The following BSN variants were observed in gnomAD, a reference collection of about 807,000 sequenced individuals.
BSN encodes protein bassoon.
BSN carries 57 observed loss-of-function variants against 264.8 expected under a neutral mutation model. The ratio of observed to expected loss-of-function variants is 0.22; its 90% CI spans 0.17 to 0.27. BSN has a LOEUF of 0.27. BSN is among the 10% of genes least tolerant of loss of function. BSN has a pLI of 1.00. For missense variants in BSN, 4,615 were observed against 5,232.5 expected (o/e 0.88, Z 3.64); for synonymous variants, 2,059 against 2,137.3 (o/e 0.96, Z 1.01).
intron 1 of BSN, among the ~76,000 whole-genome samples, chr3:49,582,851 GAA>G (rs1456016212): frequency 2.0e-5 from 3 of 152,122 alleles, no homozygotes; most frequent in African/African-American, 7.2e-5. Context: ...TTTGAATCAT[GAA>G]AGTGTATTGA....
chr3:49,611,835 G>A (rs1285128224), intron 1 of BSN, among the ~76,000 whole-genome samples: 1 of 152,100 alleles, frequency 6.6e-6, no homozygotes, highest in Non-Finnish European at 1.5e-5. Context: ...GAGATCATAG[G>A]GGGAGCTCCT....
chr3:49,594,937 C>G (rs928569779), intron 1 of BSN, among the ~76,000 whole-genome samples: 2 of 149,094 alleles, frequency 1.3e-5, no homozygotes, highest in African/African-American at 4.9e-5. Context: ...TGTCACCAGG[C>G]TGGAGTGCAG....
rs1213030883 is a variant in BSN, at chr3:49,661,626, A to C, written c.9781A>C (p.Ser3261Arg). 1.2e-6 allele frequency: 2 copies of C among 1,613,608 alleles called. No individual in the cohort carries two copies. The highest frequency in any genetic ancestry group is 1.6e-4 in the Middle Eastern group (1 of 6,062). ...SQRLEPLGPG[S>R]SGRPGKEPGE... ...ACGGCTGGAGCCCCTGGGGCCAGGC[A>C]GCAGTGGGCGTCCAGGGAAGGAGCC... The change falls in exon 6 of 12, where the codon AGC (serine) becomes CGC (arginine). Residue 3261 changes from serine to arginine, a missense_variant. Ser to Arg is a moderately radical substitution (Grantham distance 110, BLOSUM62 -1). Around this residue, in one of 3 missense-constraint regions of BSN, gnomAD observed 3,415 missense variants for 3,866.4 expected, o/e 0.88. Coordinates refer to ENST00000296452, the MANE Select transcript of BSN (RefSeq NM_003458.4).
chr3:49,665,406 G>A (rs897744395), intron 11 of BSN, 88 bp downstream of exon 11: 1 of 152,482 alleles, frequency 6.6e-6, no homozygotes, highest in Non-Finnish European at 1.5e-5. Context: ...TCTGACAAGT[G>A]TGAACTGGGA....
intron 1 of BSN, among the ~76,000 whole-genome samples, chr3:49,607,776 C>T (rs11130211): frequency 0.82 from 124,806 of 152,202 alleles, 51,641 homozygotes; most frequent in East Asian, 0.99. Flanking sequence ...GCTCCCTAGA[C>T]GCTGAGCCCT....
At chr3:49,579,393 G>A (rs1575427991) in intron 1 of BSN, among the ~76,000 whole-genome samples, 1 of 151,776 alleles carries the variant, frequency 6.6e-6, no homozygotes, top group Non-Finnish European at 1.5e-5. Flanking sequence ...GTTTTTCATA[G>A]ATGCGCTTTA....
chr3:49,586,142 G>A (rs78957626), intron 1 of BSN, among the ~76,000 whole-genome samples: 7 of 152,190 alleles, frequency 4.6e-5, no homozygotes, highest in African/African-American at 1.7e-4. Context: ...TTAGTTGCCT[G>A]TGCTTGTTGG....
Position 49,601,697 on chromosome 3 carries a change from G to T in BSN, c.225-23278G>T, listed in dbSNP as rs1044987757. On this transcript the variant is annotated intron_variant, in intron 1 of 11. Transcript: ENST00000296452. ...TGAAGGCTGATTTTGAGTGTAACCT[G>T]GTTTATATCCAGTCTCAGAATGACA... Among the ~76,000 whole-genome samples, 7 of 152,158 alleles carry T rather than the reference G, an allele frequency of 4.6e-5. 1 individual carries two copies. The highest frequency in any genetic ancestry group is 1.7e-4 in the African/African-American group (7 of 41,428).
At chr3:49,635,979 A>T (rs1235986268) in intron 2 of BSN, among the ~76,000 whole-genome samples, 1 of 152,138 alleles carries the variant, frequency 6.6e-6, no homozygotes, top group Non-Finnish European at 1.5e-5. Context: ...TCCAAAAAAA[A>T]AAAAAAAGTA....
rs192747661 is a variant in BSN, at chr3:49,575,502, A to G, written c.224+20676A>G. 6.8e-5 allele frequency among the ~76,000 whole-genome samples: 10 copies of G among 147,570 alleles called. No individual in the cohort carries two copies. In the East Asian group the frequency reaches 7.8e-4, roughly 12 times the overall value. ...TATATGTAAATATATATGTGTGTGT[A>G]TATATATGTAAATATATGTGTGTAT... On this transcript the variant is annotated intron_variant, in intron 1 of 11. Coordinates refer to ENST00000296452, the MANE Select transcript of BSN (RefSeq NM_003458.4).
rs1171033758 is a variant in BSN, at chr3:49,651,031, C to T, written c.1938C>T (p.Thr646=). 2.5e-6 allele frequency: 4 copies of T among 1,613,778 alleles called. No individual in the cohort carries two copies. The highest frequency in any genetic ancestry group is 2.5e-6 in the Non-Finnish European group (3 of 1,179,926). Residue 646 remains threonine (T), a synonymous_variant, in exon 4 of 12, where the codon ACC becomes ACT. Transcript: ENST00000296452. The surrounding 1 kb of genome is among the most constrained non-coding windows in gnomAD (Gnocchi z 5.4). The part of the protein sequence containing the change: ...KSGVRRAEPA[T]PVVKAVPEAP... ...GGGTGAGGAGGGCTGAACCTGCCACCCCTGTCGTCAAGGCTGTTCCAGAAG... is the reference window on the plus strand; with the variant it reads ...GGGTGAGGAGGGCTGAACCTGCCACTCCTGTCGTCAAGGCTGTTCCAGAAG...
At chr3:49,605,929 A>AAGC (rs2052133568) in intron 1 of BSN, among the ~76,000 whole-genome samples, 1 of 70,920 alleles carries the variant, frequency 1.4e-5, no homozygotes, top group Non-Finnish European at 2.4e-5. Context: ...TAGATATAAA[A>AAGC]TCTATTTATA....
intron 1 of BSN, among the ~76,000 whole-genome samples, chr3:49,588,221 C>T (rs1217378429): frequency 6.6e-6 from 1 of 152,064 alleles, no homozygotes; most frequent in African/African-American, 2.4e-5. Context: ...TGCACCCGGC[C>T]GGGATTTTCC....
intron 1 of BSN, among the ~76,000 whole-genome samples, chr3:49,555,390 G>T (rs2051659744): frequency 6.6e-6 from 1 of 152,194 alleles, no homozygotes; most frequent in African/African-American, 2.4e-5. Flanking sequence ...ACACCAAGAG[G>T]TGCTTATTTA....
chr3:49,604,521 C>T (rs1278900960), intron 1 of BSN, among the ~76,000 whole-genome samples: 1 of 152,142 alleles, frequency 6.6e-6, no homozygotes, highest in Non-Finnish European at 1.5e-5. Context: ...AAGGTTCATC[C>T]ATATTGTAGC....
chr3:49,610,629 A>G lies in BSN; in HGVS notation c.225-14346A>G, dbSNP rs373395101. ...AAACAAGTAGGCCTGATTTCTGGAC[A>G]GAGAAGTTTTTAACATGGGATGAAT... On this transcript the variant is annotated intron_variant, in intron 1 of 11. Transcript: ENST00000296452. 1.1e-4 allele frequency among the ~76,000 whole-genome samples: 17 copies of G among 148,976 alleles called. No homozygotes were observed. The East Asian group carries it at 2.5e-3, about 21-fold the overall frequency.
chr3:49,664,458 G>C lies in BSN; in HGVS notation c.11644G>C (p.Gly3882Arg), dbSNP rs368464909. The C allele has an allele frequency of 1.2e-5, 19 of 1,613,596 alleles. No homozygotes were observed. Among genetic ancestry groups the C allele is most frequent in the Non-Finnish European group, 1.4e-5 (16 of 1,179,998 alleles). The change falls in exon 9 of 12, where the codon GGG (glycine) becomes CGG (arginine). Residue 3882 changes from glycine (G) to arginine (R), a missense_variant. Transcript: ENST00000296452. ...TGGAGCCAGGCCTGGAGGAACCCCA[G>C]GGGCTCCCGCCGGCCAGCCAGGTGC... is the stretch of plus-strand genomic sequence containing the variant. ...KAGARPGGTP[G>R]APAGQPGADG...
chr3:49,665,167 G>C (rs1435877239), intron 10 of BSN, 62 bp from the exon 11 acceptor site: 1 of 284,634 alleles, frequency 3.5e-6, no homozygotes, highest in Non-Finnish European at 6.5e-6. Context: ...GGCTGGCACT[G>C]GGTTGTAGGT....
Position 49,585,053 on chromosome 3 carries a change from AG to A in BSN, c.224+30229del, listed in dbSNP as rs1055475866. Among the ~76,000 whole-genome samples, 2 of 152,194 alleles carry A rather than the reference AG, an allele frequency of 1.3e-5. No homozygotes were observed. Among genetic ancestry groups the A allele is most frequent in the African/African-American group, 4.8e-5 (2 of 41,442 alleles). On this transcript the variant is annotated intron_variant, in intron 1 of 11. Transcript: ENST00000296452. This position sits in a 1 kb window ranked among gnomAD's most constrained non-coding sequence, Gnocchi z 4.7. The stretch of plus-strand genomic sequence containing the variant: ...TCCATTCAGCTGTTGTTAGACACCT[AG>A]GTTGCTTCGAAATCTTAGCTATTAT...
Sources: allele counts gnomAD v4.1 joint callset (sites outside exome capture counted in the v4.1 genomes callset), GRCh38; gene constraint gnomAD v4.1.1; regional missense constraint gnomAD v4.1.1; non-coding constraint Gnocchi (gnomAD v3.1); transcripts MANE v1.5; gene names NCBI Gene and HGNC (gene_info 2026-07-23, HGNC 2026-07-21).